TRAPPC9: variants seen among roughly 807,000 people sequenced by gnomAD.
TRAPPC9 encodes the protein trafficking protein particle complex subunit 9, also known as IKK2 binding protein.
A neutral mutation model predicts 124.0 loss-of-function variants in TRAPPC9; 83 were observed. The ratio of observed to expected loss-of-function variants is 0.67; its 90% CI spans 0.56 to 0.80. TRAPPC9 has a LOEUF of 0.80. Among genes scored for constraint, TRAPPC9 ranks in the 30% least tolerant of loss-of-function variants. The pLI is 0.00. For synonymous variants in TRAPPC9, 638 were observed against 617.5 expected (o/e 1.03, Z -0.49); for missense variants, 1,302 against 1,508.3 (o/e 0.86, Z 2.27).
chr8:139,759,241 C>T (rs1820061149), intron 21 of TRAPPC9, among the ~76,000 whole-genome samples: 1 of 152,172 alleles, frequency 6.6e-6, no homozygotes, highest in Non-Finnish European at 1.5e-5. Flanking sequence ...CTTCTGAACT[C>T]AGTCCCCTGG....
At chr8:139,853,908 T>C (rs1390650076) in intron 21 of TRAPPC9, among the ~76,000 whole-genome samples, 1 of 152,270 alleles carries the variant, frequency 6.6e-6, no homozygotes, top group Non-Finnish European at 1.5e-5. Context: ...TAATATTTTA[T>C]ACTACCTACA....
rs534121731 is a variant in TRAPPC9, at chr8:139,737,473, C to G, written c.3056-5271G>C. Among the ~76,000 whole-genome samples the G allele has an allele frequency of 8.6e-3, 1,054 of 122,520 alleles. 167 individuals are homozygous for G. The highest frequency in any genetic ancestry group is 0.029 in the African/African-American group (1,011 of 34,410). The allele number at this position is 122,520 out of a possible 152,430, so 80.4% of individuals were successfully genotyped here. ...GGCGGGGGTCATCAGCCCTCCCCCC[C>G]CCCCCACGGAAAACCCTGAGTCTGG... On this transcript the variant is annotated intron_variant, in intron 21 of 22. Coordinates refer to ENST00000438773, the MANE Select transcript of TRAPPC9 (RefSeq NM_001160372.4).
chr8:139,786,882 G>C (rs1278496209), intron 21 of TRAPPC9, among the ~76,000 whole-genome samples: 1 of 152,168 alleles, frequency 6.6e-6, no homozygotes, highest in African/African-American at 2.4e-5. Flanking sequence ...GATCGGAGGG[G>C]AAGGTGTCAG....
intron 17 of TRAPPC9, among the ~76,000 whole-genome samples, chr8:140,175,431 C>T (rs1051757181): frequency 9.9e-5 from 15 of 151,864 alleles, no homozygotes; most frequent in African/African-American, 3.4e-4. Context: ...ACCTGAGATG[C>T]GGGCCAGGTT....
At chr8:140,370,539 A>G (rs1448988637) in intron 8 of TRAPPC9, among the ~76,000 whole-genome samples, 4 of 152,220 alleles carry the variant, frequency 2.6e-5, no homozygotes, top group Non-Finnish European at 4.4e-5. Context: ...TTTTTAATAC[A>G]TATTACCCTG....
chr8:140,071,270 A>G (rs2129807016), intron 17 of TRAPPC9, among the ~76,000 whole-genome samples: 1 of 152,272 alleles, frequency 6.6e-6, no homozygotes, highest in East Asian at 1.9e-4. Flanking sequence ...GGACTGCTGG[A>G]GGCCAGGAAC....
chr8:140,012,767 A>G (rs544606623), intron 18 of TRAPPC9, among the ~76,000 whole-genome samples: 9 of 152,290 alleles, frequency 5.9e-5, no homozygotes, highest in African/African-American at 2.2e-4. Flanking sequence ...CACGTTCTCT[A>G]GCCCACACTC....
At chr8:140,189,440 T>C (rs1160979897) in intron 17 of TRAPPC9, among the ~76,000 whole-genome samples, 1 of 152,242 alleles carries the variant, frequency 6.6e-6, no homozygotes, top group African/African-American at 2.4e-5. Context: ...GGAGGCATTT[T>C]ATAAATCACG....
intron 17 of TRAPPC9, 31 bp downstream of exon 17, chr8:140,221,428 G>A: frequency 2.5e-6 from 4 of 1,613,224 alleles, no homozygotes; most frequent in Non-Finnish European, 2.5e-6. Context: ...CGAACGGCAC[G>A]TGGCAGATGC....
At chr8:140,222,335 C>T (rs560411954) in intron 16 of TRAPPC9, among the ~76,000 whole-genome samples, 35 of 152,350 alleles carry the variant, frequency 2.3e-4, no homozygotes, top group South Asian at 2.3e-3. Flanking sequence ...TATCGATTGA[C>T]GGGTCTAACC....
intron 17 of TRAPPC9, among the ~76,000 whole-genome samples, chr8:140,033,791 C>A (rs1447091277): frequency 6.8e-6 from 1 of 146,018 alleles, no homozygotes; most frequent in East Asian, 2.2e-4. Context: ...AAGTGATTCT[C>A]CTGCCTCAGC....
At chr8:139,961,635 G>T (rs1835377146) in intron 19 of TRAPPC9, among the ~76,000 whole-genome samples, 1 of 123,204 alleles carries the variant, frequency 8.1e-6, no homozygotes, top group Admixed American at 8.5e-5. Flanking sequence ...CCTGTAGCCT[G>T]CACCCTTGGG....
intron 17 of TRAPPC9, among the ~76,000 whole-genome samples, chr8:140,184,781 A>T (rs1334122403): frequency 1.3e-5 from 2 of 152,178 alleles, no homozygotes; most frequent in African/African-American, 4.8e-5. Flanking sequence ...AAAATCACAC[A>T]AAATATGAAT....
intron 15 of TRAPPC9, among the ~76,000 whole-genome samples, chr8:140,273,476 C>T (rs1034085112): frequency 5.3e-5 from 8 of 152,274 alleles, no homozygotes; most frequent in African/African-American, 9.6e-5. Context: ...ACAGGCCGCC[C>T]GTGTTTTTGT....
At position 140,341,886 on chromosome 8, in the gene TRAPPC9, G is replaced by A. The variant is rs574458409; in HGVS notation, c.1495+18164C>T. 4.4e-4 allele frequency among the ~76,000 whole-genome samples: 67 copies of A among 152,328 alleles called. No individual in the cohort carries two copies. The South Asian group carries it at 0.013, about 29-fold the overall frequency. On this transcript the variant is annotated intron_variant, in intron 9 of 22. Transcript: ENST00000438773. Reference sequence around the variant, plus strand: ...AGTCTCTCTCCCAAGCTAAGGAGGCGGCCTGGGCCAGACTGAAAGAGCAGT... The same window carrying A: ...AGTCTCTCTCCCAAGCTAAGGAGGCAGCCTGGGCCAGACTGAAAGAGCAGT...
intron 18 of TRAPPC9, among the ~76,000 whole-genome samples, chr8:139,989,062 C>T (rs371885534): frequency 6.6e-6 from 1 of 152,150 alleles, no homozygotes; most frequent in Non-Finnish European, 1.5e-5. Flanking sequence ...TCCTTGGGCC[C>T]GGGGTCCTGG....
intron 21 of TRAPPC9, among the ~76,000 whole-genome samples, chr8:139,847,482 C>T (rs79533647): frequency 0.034 from 5,222 of 152,334 alleles, 200 homozygotes; most frequent in East Asian, 0.12. Flanking sequence ...GCAACAGTCC[C>T]GCCTCGGCCG....
chr8:139,921,877 C>A (rs951166371), intron 19 of TRAPPC9, among the ~76,000 whole-genome samples: 1 of 150,364 alleles, frequency 6.7e-6, no homozygotes, highest in African/African-American at 2.5e-5. Context: ...TCTGGGAGTG[C>A]ACACCTGCCC....
At chr8:139,940,767 C>T (rs530144696) in intron 19 of TRAPPC9, among the ~76,000 whole-genome samples, 10 of 152,352 alleles carry the variant, frequency 6.6e-5, no homozygotes, top group South Asian at 6.2e-4. Context: ...ACCTCATGGC[C>T]GTACAGAGCT....
Sources: gnomAD v4.1 joint callset for allele counts (sites outside exome capture counted in the v4.1 genomes callset) on GRCh38, gnomAD v4.1.1 for gene constraint, MANE v1.5 for transcripts, NCBI Gene and HGNC (gene_info 2026-07-23, HGNC 2026-07-21) for gene names.